The following ZNF44 variants were observed in gnomAD, a reference collection of about 807,000 sequenced individuals.
ZNF44 encodes zinc finger protein 44, also known as gonadotropin inducible transcription repressor-2.
A neutral mutation model predicts 11.7 loss-of-function variants in ZNF44; 9 were observed. That is an observed-to-expected ratio of 0.77 (90% CI 0.46 to 1.35). The LOEUF (loss-of-function observed/expected upper bound fraction) is 1.35. Among genes scored for constraint, ZNF44 ranks in the 40% most tolerant of loss-of-function variants. ZNF44 has a pLI of 0.00. For missense variants in ZNF44, 696 were observed against 743.1 expected (o/e 0.94, Z 0.74); for synonymous variants, 224 against 242.7 (o/e 0.92, Z 0.72).
Position 12,278,274 on chromosome 19 carries a change from G to A in ZNF44, c.4-2192C>T, listed in dbSNP as rs192660251. On this transcript the variant is annotated intron_variant, in intron 1 of 3. Transcript: ENST00000355684. ...GCCAGAGCCCTTCCCTTTGTTTCCC[G>A]TAAGGAAGGCTTTTAGTTAGTCTAT... Among the ~76,000 whole-genome samples the A allele has an allele frequency of 6.6e-3, 1,001 of 152,294 alleles. 14 individuals are homozygous for A. The highest frequency in any genetic ancestry group is 0.022 in the African/African-American group (912 of 41,558).
chr19:12,248,387 T>G (rs1425093303), exon 8 of ZNF44: 2 of 1,291,192 alleles, frequency 1.5e-6, no homozygotes, highest in Non-Finnish European at 2.0e-6. Flanking sequence ...CACTGTGTGT[T>G]CTTTTATGTT....
At chr19:12,246,936 G>A (rs1916782333), downstream of ZNF44, among the ~76,000 whole-genome samples, 1 of 151,728 alleles carries the variant, frequency 6.6e-6, no homozygotes, top group African/African-American at 2.4e-5. Context: ...CTGGGCTGAG[G>A]TGGGAGGATT....
At chr19:12,244,487 C>T (rs1343416588), downstream of ZNF44, 1 of 152,460 alleles carries the variant, frequency 6.6e-6, no homozygotes, top group Non-Finnish European at 1.5e-5. Context: ...GTCCATTATA[C>T]CACAGGAAAT....
chr19:12,293,346 G>A (rs369934047), intron 1 of ZNF44: 2 of 1,536,738 alleles, frequency 1.3e-6, no homozygotes, highest in Admixed American at 2.0e-5. Context: ...GCATCTTAGG[G>A]TAGCCCCAGA....
chr19:12,252,633 T>C (rs1040568467), intron 5 of ZNF44, among the ~76,000 whole-genome samples: 1 of 152,102 alleles, frequency 6.6e-6, no homozygotes, highest in African/African-American at 2.4e-5. Context: ...TACTCTATTA[T>C]GAGTTACTTG....
At chr19:12,266,172 C>A (rs1427069908) in intron 5 of ZNF44, 1 of 833,308 alleles carries the variant, frequency 1.2e-6, no homozygotes, top group African/African-American at 1.8e-5. Flanking sequence ...GGGACTAGAG[C>A]CCCAGACCCC....
At chr19:12,280,280 T>A (rs1034736322) in intron 1 of ZNF44, among the ~76,000 whole-genome samples, 1 of 152,132 alleles carries the variant, frequency 6.6e-6, no homozygotes. Flanking sequence ...GTTGAACTAA[T>A]GAATGAAAGT....
chr19:12,276,400 C>G (rs1259062808), intron 1 of ZNF44, among the ~76,000 whole-genome samples: 4 of 152,186 alleles, frequency 2.6e-5, no homozygotes, highest in Non-Finnish European at 5.9e-5. Flanking sequence ...AAAGTCCTAC[C>G]ACCTACTGTG....
chr19:12,258,098 A>C (rs1917337813), intron 5 of ZNF44, among the ~76,000 whole-genome samples: 1 of 140,254 alleles, frequency 7.1e-6, no homozygotes, highest in African/African-American at 2.6e-5. Context: ...CTGAGGTAGG[A>C]GGACTGCTTG....
intron 2 of ZNF44, chr19:12,234,537 T>C (rs1916300887): frequency 6.6e-6 from 1 of 152,230 alleles, no homozygotes; most frequent in African/African-American, 2.4e-5. Context: ...GTAGGTTCAT[T>C]GTGCACTGCA....
chr19:12,225,893 T>C (rs1915896267), downstream of ZNF44, among the ~76,000 whole-genome samples: 1 of 152,196 alleles, frequency 6.6e-6, no homozygotes, highest in African/African-American at 2.4e-5. Context: ...CAGCGCCTGC[T>C]GAAACATCAA....
At position 12,294,860 on chromosome 19, in the gene ZNF44, C is replaced by T; in HGVS notation, c.-166G>A. The T allele has an allele frequency of 1.4e-6, 1 of 729,824 alleles. No homozygotes were observed. Among genetic ancestry groups the T allele is most frequent in the Admixed American group, 3.7e-5 (1 of 27,382 alleles). 45.2% of individuals were successfully genotyped at this position (729,824 alleles called of 1,614,324 possible). Reference sequence around the variant, plus strand: ...CTAGCTCCTGGAACGTCACACCCTCCTCTCTGCCTCGCGCCTGATTGACAA... The same window carrying T: ...CTAGCTCCTGGAACGTCACACCCTCTTCTCTGCCTCGCGCCTGATTGACAA... On this transcript the variant is annotated 5_prime_UTR_variant, in exon 1 of 4. Coordinates refer to ENST00000355684, the MANE Select transcript of ZNF44 (RefSeq NM_016264.4).
chr19:12,250,243 T>A (rs1916936345), exon 6 of ZNF44: 1 of 1,359,040 alleles, frequency 7.4e-7, no homozygotes, highest in South Asian at 1.1e-5. Context: ...CATTTTTACC[T>A]ATAGTGGCCA....
chr19:12,290,785 C>A (rs1291985305), intron 1 of ZNF44, among the ~76,000 whole-genome samples: 1 of 152,144 alleles, frequency 6.6e-6, no homozygotes, highest in African/African-American at 2.4e-5. Flanking sequence ...GGCTGGGACA[C>A]CTGCAGGGGA....
chr19:12,292,534 C>G (rs1299953340), intron 1 of ZNF44, among the ~76,000 whole-genome samples: 1 of 152,092 alleles, frequency 6.6e-6, no homozygotes, highest in Middle Eastern at 3.4e-3. Flanking sequence ...GGAACACAGA[C>G]AAGTCTCACT....
At chr19:12,249,651 A>C (rs996089263) in intron 7 of ZNF44, among the ~76,000 whole-genome samples, 1 of 152,042 alleles carries the variant, frequency 6.6e-6, no homozygotes, top group Non-Finnish European at 1.5e-5. Flanking sequence ...CTCCCGGGTT[A>C]AAGCGATTCT....
rs1966981708 is a variant in ZNF44, at chr19:12,272,313, T to C, written c.*94A>G. On this transcript the variant is annotated 3_prime_UTR_variant, in exon 4 of 4. Transcript: ENST00000355684. ...CCGCTGCGCCCAGCCTGGAAACTTC[T>C]TAAGGCTTTACCACGTTTACATTCA... The C allele has an allele frequency of 2.1e-6, 3 of 1,413,298 alleles. No individual in the cohort carries two copies. Among genetic ancestry groups the C allele is most frequent in the South Asian group, 3.4e-5 (2 of 58,620 alleles). The allele number at this position is 1,413,298 out of a possible 1,614,324, so 87.5% of individuals were successfully genotyped here. A position where few individuals can be genotyped will look rare whatever the true frequency, so the allele number is the denominator to read the frequency against.
At chr19:12,250,211 C>T in intron 6 of ZNF44, 1 of 1,338,990 alleles carries the variant, frequency 7.5e-7, no homozygotes, top group Non-Finnish European at 9.9e-7. Context: ...CTAATTCATT[C>T]AACAACATGA....
chr19:12,289,262 G>A (rs1967899964), intron 1 of ZNF44, among the ~76,000 whole-genome samples: 1 of 151,984 alleles, frequency 6.6e-6, no homozygotes, highest in African/African-American at 2.4e-5. Context: ...GAGCTGTGAT[G>A]GCCCCACTGC....
Sources: gnomAD v4.1 joint callset for allele counts (sites outside exome capture counted in the v4.1 genomes callset) on GRCh38, gnomAD v4.1.1 for gene constraint, MANE v1.5 for transcripts, NCBI Gene and HGNC (gene_info 2026-07-23, HGNC 2026-07-21) for gene names.